Variants in PLPPR1 observed in about 807,000 individuals in gnomAD.
The protein encoded by PLPPR1 is phospholipid phosphatase-related protein type 1.
PLPPR1 carries 10 observed loss-of-function variants against 33.1 expected under a neutral mutation model. The ratio of observed to expected loss-of-function variants is 0.30; its 90% CI spans 0.19 to 0.51. PLPPR1 has a LOEUF of 0.51. Among genes scored for constraint, PLPPR1 ranks in the 20% least tolerant of loss-of-function variants. PLPPR1 has a pLI of 0.97. For missense variants in PLPPR1, 304 were observed against 408.1 expected (o/e 0.74, Z 2.20); for synonymous variants, 151 against 151.0 (o/e 1.00, Z 0.00).
chr9:101,287,116 C>T (rs1388502039), intron 4 of PLPPR1, among the ~76,000 whole-genome samples: 1 of 152,148 alleles, frequency 6.6e-6, no homozygotes, highest in East Asian at 1.9e-4. Flanking sequence ...ATCAAATATG[C>T]AATAACTTGT....
At chr9:101,203,879 G>A (rs12339994) in intron 2 of PLPPR1, among the ~76,000 whole-genome samples, 19,004 of 151,744 alleles carry the variant, frequency 0.13, 1,422 homozygotes, top group East Asian at 0.28. Flanking sequence ...TCTACCACTT[G>A]GAAATGAGAA....
chr9:101,071,116 G>T (rs1041810071), intron 1 of PLPPR1, among the ~76,000 whole-genome samples: 2 of 152,114 alleles, frequency 1.3e-5, no homozygotes, highest in African/African-American at 2.4e-5. Flanking sequence ...TAAACGCAGG[G>T]TAAGGCCAGT....
intron 6 of PLPPR1, among the ~76,000 whole-genome samples, chr9:101,314,903 T>G (rs1564036169): frequency 6.6e-6 from 1 of 152,264 alleles, no homozygotes; most frequent in Non-Finnish European, 1.5e-5. Context: ...GGAAAAGCAG[T>G]GCTGAAGTCA....
At chr9:101,066,234 G>A (rs1830411880) in intron 1 of PLPPR1, among the ~76,000 whole-genome samples, 1 of 151,938 alleles carries the variant, frequency 6.6e-6, no homozygotes, top group Admixed American at 6.6e-5. Context: ...ATGGATTTGG[G>A]GGATGAAAAT....
At chr9:101,050,437 G>A (rs1830207617) in intron 1 of PLPPR1, among the ~76,000 whole-genome samples, 2 of 152,196 alleles carry the variant, frequency 1.3e-5, no homozygotes, top group Non-Finnish European at 1.5e-5. Context: ...GTATATTTGA[G>A]CTTTCCAAGA....
intron 7 of PLPPR1, among the ~76,000 whole-genome samples, chr9:101,322,690 G>A (rs930562511): frequency 6.6e-6 from 1 of 152,132 alleles, no homozygotes; most frequent in Non-Finnish European, 1.5e-5. Flanking sequence ...CTAATTAAAA[G>A]CCAGCCAGTG....
chr9:101,066,740 G>A (rs581303), intron 1 of PLPPR1, among the ~76,000 whole-genome samples: 103,832 of 151,752 alleles, frequency 0.68, 35,892 homozygotes, highest in East Asian at 0.88. Flanking sequence ...GCACTAAAAG[G>A]TGTTCCAAAC....
chr9:101,093,760 T>A (rs1830779097), intron 1 of PLPPR1, among the ~76,000 whole-genome samples: 1 of 152,202 alleles, frequency 6.6e-6, no homozygotes, highest in Non-Finnish European at 1.5e-5. Context: ...CTTGGGGCTT[T>A]ATCATCCCAG....
At chr9:101,204,521 T>C (rs137968191) in intron 2 of PLPPR1, among the ~76,000 whole-genome samples, 42 of 152,300 alleles carry the variant, frequency 2.8e-4, no homozygotes, top group African/African-American at 1.0e-3. Context: ...GCCAGCCATA[T>C]TGATGAGCAT....
chr9:101,050,124 GAAAAAAA>G (rs35688096), intron 1 of PLPPR1, among the ~76,000 whole-genome samples: 1,911 of 35,170 alleles, frequency 0.054, 46 homozygotes, highest in African/African-American at 0.15. Flanking sequence ...CTCCAACTCA[GAAAAAAA>G]AAAAAAAAAA....
intron 1 of PLPPR1, among the ~76,000 whole-genome samples, chr9:101,059,619 C>T (rs114125568): frequency 6.6e-6 from 1 of 151,934 alleles, no homozygotes; most frequent in East Asian, 1.9e-4. Context: ...AACTCAATAG[C>T]AAAACCACAA....
chr9:101,093,619 A>T (rs1033203941), intron 1 of PLPPR1, among the ~76,000 whole-genome samples: 3 of 152,158 alleles, frequency 2.0e-5, no homozygotes, highest in African/African-American at 7.2e-5. Flanking sequence ...ATGTTCTTCT[A>T]CTTTAACTTT....
intron 1 of PLPPR1, among the ~76,000 whole-genome samples, chr9:101,064,188 A>G (rs1830380858): frequency 6.6e-6 from 1 of 152,122 alleles, no homozygotes; most frequent in South Asian, 2.1e-4. Flanking sequence ...TTTTAAAGTA[A>G]CTATTCCAAT....
At chr9:101,056,642 T>C (rs757223864) in intron 1 of PLPPR1, among the ~76,000 whole-genome samples, 1 of 152,176 alleles carries the variant, frequency 6.6e-6, no homozygotes, top group African/African-American at 2.4e-5. Flanking sequence ...AGTGAAATCA[T>C]CACAGAATAT....
intron 1 of PLPPR1, among the ~76,000 whole-genome samples, chr9:101,135,881 G>A (rs531649567): frequency 2.0e-5 from 3 of 152,318 alleles, no homozygotes; most frequent in Admixed American, 2.0e-4. Context: ...GAAAGGAGCA[G>A]CAGGAGAGTC....
chr9:101,283,034 G>A (rs1404919365), intron 3 of PLPPR1, among the ~76,000 whole-genome samples: 2 of 151,964 alleles, frequency 1.3e-5, no homozygotes, highest in African/African-American at 2.4e-5. Context: ...ATGGGATCTC[G>A]CTCTGTTGAC....
In PLPPR1 at chr9:101,043,223, G is replaced by T. The variant is rs1392510379; in HGVS notation, c.-46+14121G>T. The stretch of plus-strand genomic sequence containing the variant: ...AGTCTCCAGTCCCATCTAGGTTGCT[G>T]CAAATGCTGTTATTTCATTCCTTTT... On this transcript the variant is annotated intron_variant, in intron 1 of 7. Coordinates refer to ENST00000374874, the MANE Select transcript of PLPPR1 (RefSeq NM_207299.2). 2.0e-5 allele frequency among the ~76,000 whole-genome samples: 3 copies of T among 151,784 alleles called. No homozygotes were observed. The East Asian group carries it at 5.8e-4, about 29-fold the overall frequency.
chr9:101,159,135 C>T (rs572706871), intron 1 of PLPPR1, among the ~76,000 whole-genome samples: 2 of 152,142 alleles, frequency 1.3e-5, no homozygotes, highest in Non-Finnish European at 1.5e-5. Flanking sequence ...GAAGTAGAAG[C>T]TCTTATTTGA....
intron 2 of PLPPR1, among the ~76,000 whole-genome samples, chr9:101,269,118 T>C (rs1245204883): frequency 6.6e-6 from 1 of 152,184 alleles, no homozygotes; most frequent in African/African-American, 2.4e-5. Context: ...CAGTTCCACA[T>C]ACCTGCTAAA....
Sources: allele counts gnomAD v4.1 joint callset (sites outside exome capture counted in the v4.1 genomes callset), GRCh38; gene constraint gnomAD v4.1.1; transcripts MANE v1.5; gene names NCBI Gene and HGNC (gene_info 2026-07-23, HGNC 2026-07-21).